CCDC81: variants seen among roughly 807,000 people sequenced by gnomAD.
The protein encoded by CCDC81 is coiled-coil domain-containing protein 81.
Under a neutral mutation model 83.7 loss-of-function variants are expected in CCDC81, and 79 were observed. The ratio of observed to expected loss-of-function variants is 0.94; its 90% CI spans 0.79 to 1.14. The LOEUF is 1.14. Among genes scored for constraint, CCDC81 ranks in the 50% most tolerant of loss-of-function variants. CCDC81 has a pLI of 0.00. For synonymous variants in CCDC81, 252 were observed against 278.1 expected (o/e 0.91, Z 0.93); for missense variants, 791 against 778.1 (o/e 1.02, Z -0.20).
At chr11:86,400,605 T>A (rs993645883) in intron 6 of CCDC81, 73 bp from the exon 7 acceptor site, 4 of 1,433,110 alleles carry the variant, frequency 2.8e-6, no homozygotes, top group Non-Finnish European at 1.9e-6. Context: ...AAAATTTCCC[T>A]TGGTAAAAAC....
At position 86,422,820 on chromosome 11, in the gene CCDC81, G is replaced by GTT; in HGVS notation, c.*107_*108dup. Reference sequence around the variant, plus strand: ...TTTTACCTCAGAGAAAAAAATCATTGTTTAGGTTTGGTGCTTTCATTAGAT... The same window carrying GTT: ...TTTTACCTCAGAGAAAAAAATCATTGTTTTTAGGTTTGGTGCTTTCATTAGAT... On this transcript the variant is annotated 3_prime_UTR_variant, in exon 15 of 15. Coordinates refer to ENST00000445632, the MANE Select transcript of CCDC81 (RefSeq NM_001156474.2). The GTT allele has an allele frequency of 8.5e-7, 1 of 1,175,454 alleles. No individual in the cohort carries two copies. The highest frequency in any genetic ancestry group is 1.2e-6 in the Non-Finnish European group (1 of 835,814). The allele number at this position is 1,175,454 out of a possible 1,614,324, so 72.8% of individuals were successfully genotyped here.
In CCDC81 at chr11:86,409,374, T is replaced by TC. The variant is rs761797745; in HGVS notation, c.1218+9_1218+10insC. The TC allele has an allele frequency of 6.9e-7, 1 of 1,448,012 alleles. No homozygotes were observed. The highest frequency in any genetic ancestry group is 9.4e-7 in the Non-Finnish European group (1 of 1,067,116). 89.7% of individuals were successfully genotyped at this position (1,448,012 alleles called of 1,614,324 possible). A position where few individuals can be genotyped will look rare whatever the true frequency, so the allele number is the denominator to read the frequency against. ...AGAAACCGGAATTTTATGTAAGTCT[T>TC]TTAAAAATTTCTGTTGCTAACACCT... On this transcript the variant is annotated intron_variant, in intron 10 of 14. Coordinates refer to ENST00000445632, the MANE Select transcript of CCDC81 (RefSeq NM_001156474.2).
At chr11:86,413,822 C>T (rs1948678773) in intron 11 of CCDC81, among the ~76,000 whole-genome samples, 1 of 152,104 alleles carries the variant, frequency 6.6e-6, no homozygotes, top group African/African-American at 2.4e-5. Context: ...AGGACTGGAA[C>T]CAGAGACTAA....
At chr11:86,416,971 C>T (rs568341915) in intron 13 of CCDC81, among the ~76,000 whole-genome samples, 33 of 152,232 alleles carry the variant, frequency 2.2e-4, no homozygotes, top group East Asian at 7.7e-4. Context: ...TAGCCGGGCA[C>T]GGTGGCTCAT....
chr11:86,413,429 C>T (rs1256183277), intron 11 of CCDC81, among the ~76,000 whole-genome samples: 1 of 152,130 alleles, frequency 6.6e-6, no homozygotes. Context: ...GAACCCTAGC[C>T]AGGGACCATG....
intron 4 of CCDC81, chr11:86,395,128 A>C (rs1948386600): frequency 2.4e-6 from 1 of 420,046 alleles, no homozygotes; most frequent in Admixed American, 4.1e-5. Context: ...ACACCGAAAG[A>C]ATTGCTGTGC....
At chr11:86,380,453 C>T (rs114557816) in intron 1 of CCDC81, among the ~76,000 whole-genome samples, 285 of 152,192 alleles carry the variant, frequency 1.9e-3, no homozygotes, top group African/African-American at 6.2e-3. Flanking sequence ...ATTTATCCAG[C>T]TTGGTGTTAT....
chr11:86,396,839 A>G (rs1948415966), intron 5 of CCDC81, among the ~76,000 whole-genome samples: 1 of 152,244 alleles, frequency 6.6e-6, no homozygotes, highest in Non-Finnish European at 1.5e-5. Flanking sequence ...CGGAAGGCAA[A>G]CATGGCTGTT....
At chr11:86,404,957 C>A (rs1054931338) in intron 7 of CCDC81, among the ~76,000 whole-genome samples, 1 of 152,130 alleles carries the variant, frequency 6.6e-6, no homozygotes, top group Non-Finnish European at 1.5e-5. Context: ...ACCTTCTTTT[C>A]TAGCTTGAGT....
intron 8 of CCDC81, 81 bp downstream of exon 8, chr11:86,407,782 C>G: frequency 9.3e-7 from 1 of 1,070,308 alleles, no homozygotes; most frequent in Non-Finnish European, 1.4e-6. Context: ...GGGAATCTCT[C>G]TTCCTTAATT....
At chr11:86,415,368 T>A in intron 13 of CCDC81, 55 bp downstream of exon 13, 1 of 1,398,302 alleles carries the variant, frequency 7.2e-7, no homozygotes, top group Non-Finnish European at 1.0e-6. Context: ...TTCCGCTTCC[T>A]TTATCTCTCT....
chr11:86,386,891 G>T (rs1016904632), intron 2 of CCDC81, among the ~76,000 whole-genome samples: 39 of 152,172 alleles, frequency 2.6e-4, no homozygotes, highest in African/African-American at 8.9e-4. Flanking sequence ...GACGGGGTGT[G>T]CAGTCCATAG....
rs759170249 is a variant in CCDC81 at position 86,387,650 on chromosome 11, AC to A, written c.277del (p.Gln93LysfsTer19). On this transcript the variant is annotated frameshift_variant, in exon 3 of 15. Coordinates refer to ENST00000445632, the MANE Select transcript of CCDC81 (RefSeq NM_001156474.2). LOFTEE classifies it high-confidence loss of function. ...EKLVQIHGLK[Q>X]NKVYTPGEIP... Reference sequence around the variant, plus strand: ...AGCTAGTGCAGATTCATGGACTCAAACAAAACAAAGTATATACTCCTGGTAA... The same window carrying A: ...AGCTAGTGCAGATTCATGGACTCAAAAAAACAAAGTATATACTCCTGGTAA... 6.2e-7 allele frequency: 1 copy of A among 1,605,464 alleles called. No homozygotes were observed. Among genetic ancestry groups the A allele is most frequent in the South Asian group, 1.1e-5 (1 of 90,378 alleles).
intron 5 of CCDC81, among the ~76,000 whole-genome samples, chr11:86,396,694 C>A (rs895907892): frequency 6.6e-6 from 1 of 152,148 alleles, no homozygotes. Context: ...ACGAAATGGC[C>A]ATGCAACTAA....
At chr11:86,385,247 T>C (rs1948226140) in intron 1 of CCDC81, among the ~76,000 whole-genome samples, 1 of 152,080 alleles carries the variant, frequency 6.6e-6, no homozygotes, top group South Asian at 2.1e-4. Flanking sequence ...TAGCCAGGCA[T>C]GGTGGCTGGC....
intron 1 of CCDC81, among the ~76,000 whole-genome samples, chr11:86,380,852 C>T (rs1327210957): frequency 2.0e-5 from 3 of 152,200 alleles, no homozygotes; most frequent in Non-Finnish European, 4.4e-5. Flanking sequence ...CTACTATATC[C>T]GTTAGAGCCC....
At chr11:86,395,490 C>T in intron 5 of CCDC81, 77 bp downstream of exon 5, 1 of 1,140,432 alleles carries the variant, frequency 8.8e-7, no homozygotes, top group Non-Finnish European at 1.3e-6. Flanking sequence ...GGCAGTGTTT[C>T]TCAATGTTTT....
intron 7 of CCDC81, among the ~76,000 whole-genome samples, chr11:86,402,917 C>A (rs1265437298): frequency 6.6e-6 from 1 of 152,044 alleles, no homozygotes; most frequent in Non-Finnish European, 1.5e-5. Flanking sequence ...TGGCTCACTG[C>A]AGCCTCAACC....
Position 86,409,350 on chromosome 11 carries a change from G to A in CCDC81, c.1203G>A (p.Glu401=). ...VAEAIRNHKN[E]KPEFYKSFLF... ...AAGCTATAAGAAACCACAAGAATGA[G>A]AAACCGGAATTTTATGTAAGTCTTT... is the stretch of plus-strand genomic sequence containing the variant. Residue 401 remains glutamate, a synonymous_variant, in exon 10 of 15, where the codon GAG becomes GAA. Coordinates refer to ENST00000445632, the MANE Select transcript of CCDC81 (RefSeq NM_001156474.2). 6.6e-7 allele frequency: 1 copy of A among 1,517,768 alleles called. No individual in the cohort carries two copies. The highest frequency in any genetic ancestry group is 1.8e-4 in the Middle Eastern group (1 of 5,714). The allele number at this position is 1,517,768 out of a possible 1,614,324, so 94.0% of individuals were successfully genotyped here.
Sources: allele counts gnomAD v4.1 joint callset (sites outside exome capture counted in the v4.1 genomes callset), GRCh38; gene constraint gnomAD v4.1.1; transcripts MANE v1.5; gene names NCBI Gene and HGNC (gene_info 2026-07-23, HGNC 2026-07-21).